Variants in RBM34 observed in about 807,000 individuals in gnomAD.
The protein encoded by RBM34 is RNA-binding protein 34.
Under a neutral mutation model 44.6 loss-of-function variants are expected in RBM34, and 39 were observed. The observed-to-expected ratio is 0.87, with a 90% CI of 0.68 to 1.14. RBM34 has a LOEUF of 1.14. Among genes scored for constraint, RBM34 ranks in the 50% most tolerant of loss-of-function variants. The pLI, the probability that RBM34 is intolerant of heterozygous loss-of-function variation, is 0.00. For missense variants in RBM34, 572 were observed against 517.9 expected, an observed-to-expected ratio of 1.10 and a Z score of -1.01; for synonymous variants, 194 against 184.0, an observed-to-expected ratio of 1.05 and a Z score of -0.44.
chr1:235,135,805 G>T lies in RBM34; in HGVS notation c.890-35C>A, dbSNP rs372176406. ...AATTCAATCAAAATGGAAGTAAAGA[G>T]TTGGGAGCCCCTCAGAAACATGGAG... On this transcript the variant is annotated intron_variant, in intron 9 of 10. Coordinates refer to ENST00000408888, the MANE Select transcript of RBM34 (RefSeq NM_015014.4). The T allele has an allele frequency of 3.5e-5, 54 of 1,553,002 alleles. No homozygotes were observed. In the Middle Eastern group the frequency reaches 5.0e-4, roughly 14 times the overall value.
At chr1:235,135,915 G>T in intron 9 of RBM34, 119 bp downstream of exon 9, 1 of 1,227,034 alleles carries the variant, frequency 8.1e-7, no homozygotes, top group Non-Finnish European at 1.2e-6. Context: ...TGCTGCCACG[G>T]CAAACACATT....
At chr1:235,156,438 T>C (rs1662446687) in intron 3 of RBM34, among the ~76,000 whole-genome samples, 1 of 152,178 alleles carries the variant, frequency 6.6e-6, no homozygotes, top group Admixed American at 6.5e-5. Context: ...CTGATTTCAT[T>C]TTCTACTCTA....
At chr1:235,155,598 G>C (rs186767919) in intron 3 of RBM34, among the ~76,000 whole-genome samples, 1 of 147,464 alleles carries the variant, frequency 6.8e-6, no homozygotes, top group Non-Finnish European at 1.5e-5. Flanking sequence ...TCTGCCTCTC[G>C]GGTTCAAGCG....
chr1:235,154,090 C>CA (rs1662289521), intron 4 of RBM34, among the ~76,000 whole-genome samples: 1 of 151,880 alleles, frequency 6.6e-6, no homozygotes, highest in Non-Finnish European at 1.5e-5. Context: ...ACTAAAAATA[C>CA]AAAAAATTAG....
Position 235,132,596 on chromosome 1 carries a change from C to A in RBM34, c.1009-599G>T, listed in dbSNP as rs1045210808. ...TGCTGGGATTACAGGCATGAGCCAC[C>A]GCGCCTGGCCCCCATATGCAATATT... On this transcript the variant is annotated intron_variant, in intron 10 of 10. Transcript: ENST00000408888. Among the ~76,000 whole-genome samples, 4 of 152,096 alleles carry A rather than the reference C, an allele frequency of 2.6e-5. No homozygotes were observed. In the East Asian group the frequency reaches 5.8e-4, roughly 22 times the overall value.
chr1:235,160,255 A>C (rs1379492911), intron 3 of RBM34: 9 of 598,864 alleles, frequency 1.5e-5, no homozygotes, highest in Non-Finnish European at 2.8e-5. Context: ...CCATCTCAAA[A>C]CAAACAAAAA....
rs77424852 is a variant in RBM34, at chr1:235,160,705, A to C, written c.229-58T>G. 3,142 of 1,568,682 alleles carry C rather than the reference A, an allele frequency of 2.0e-3. 93 individuals carry two copies. The East Asian group carries it at 0.061, about 30-fold the overall frequency. On this transcript the variant is annotated intron_variant, in intron 2 of 10. Transcript: ENST00000408888. ...CCATACTTCTAGAATTCTGACCCTA[A>C]GCCATAATTCAGTCTTTCTAAATGA...
At chr1:235,147,349 G>C (rs559122274) in intron 6 of RBM34, among the ~76,000 whole-genome samples, 1 of 152,338 alleles carries the variant, frequency 6.6e-6, no homozygotes, top group South Asian at 2.1e-4. Context: ...CTCCTCAGTA[G>C]TACTTGTACA....
chr1:235,154,853 T>C lies in RBM34; in HGVS notation c.597+28A>G, dbSNP rs1486906550. 5 of 1,556,200 alleles carry C rather than the reference T, an allele frequency of 3.2e-6. No homozygotes were observed. The African/African-American group carries it at 5.4e-5, about 17-fold the overall frequency. On this transcript the variant is annotated intron_variant, in intron 4 of 10. Transcript: ENST00000408888. ...CAGGAAGAACAAAGTTATTAACTTC[T>C]CTGAACTTTTACCATATACAAACTC... is the stretch of plus-strand genomic sequence containing the variant.
intron 9 of RBM34, 37 bp downstream of exon 9, chr1:235,135,997 T>TAATCAA (rs1466438753): frequency 7.3e-5 from 107 of 1,463,684 alleles, no homozygotes; most frequent in Admixed American, 1.4e-4. Flanking sequence ...GTTATTTATT[T>TAATCAA]AGTAATATTA....
intron 3 of RBM34, chr1:235,156,458 G>A (rs949048490): frequency 7.4e-6 from 2 of 271,406 alleles, no homozygotes; most frequent in Non-Finnish European, 1.5e-5. Flanking sequence ...AGACCTTTAG[G>A]GGCACTATCA....
At position 235,160,822 on chromosome 1, in the gene RBM34, G is replaced by A. The variant is rs1347624605; in HGVS notation, c.228+71C>T. On this transcript the variant is annotated intron_variant, in intron 2 of 10. Transcript: ENST00000408888. The stretch of plus-strand genomic sequence containing the variant: ...CCCTTTAGAAATCACGCTTCACGCG[G>A]TAGGTAAGAAGATTGCTTTGTATGT... The A allele has an allele frequency of 6.4e-6, 10 of 1,566,748 alleles. No homozygotes were observed. The East Asian group carries it at 2.0e-4, about 32-fold the overall frequency.
chr1:235,154,423 G>C (rs925998188), intron 4 of RBM34, among the ~76,000 whole-genome samples: 2 of 151,718 alleles, frequency 1.3e-5, no homozygotes, highest in African/African-American at 4.8e-5. Flanking sequence ...AATTAGCCAG[G>C]CACGGTGGCG....
At chr1:235,148,583 A>G in intron 5 of RBM34, 136 bp from the exon 6 acceptor site, 1 of 581,024 alleles carries the variant, frequency 1.7e-6, no homozygotes, top group Non-Finnish European at 2.6e-6. Flanking sequence ...CAAATCAGAA[A>G]CAACTGTCCT....
At chr1:235,155,848 T>TAC (rs1662405079) in intron 3 of RBM34, among the ~76,000 whole-genome samples, 3 of 28,942 alleles carry the variant, frequency 1.0e-4, no homozygotes, top group Non-Finnish European at 1.9e-4. Flanking sequence ...TATATATATA[T>TAC]ATATATATAT....
chr1:235,160,283 T>C (rs896018740), intron 3 of RBM34: 4 of 676,430 alleles, frequency 5.9e-6, no homozygotes, highest in South Asian at 1.5e-5. Flanking sequence ...TGAGGGGGTA[T>C]ATGAGTGGGG....
At chr1:235,148,261 C>T in intron 6 of RBM34, 143 bp downstream of exon 6, 1 of 509,056 alleles carries the variant, frequency 2.0e-6, no homozygotes, top group African/African-American at 2.0e-5. Flanking sequence ...TAAAGGCTCT[C>T]AAATACAGAA....
chr1:235,156,898 C>A (rs1444550966), intron 3 of RBM34, among the ~76,000 whole-genome samples: 1 of 152,156 alleles, frequency 6.6e-6, no homozygotes, highest in African/African-American at 2.4e-5. Context: ...CAAACATAAA[C>A]GAGAAAGGCT....
chr1:235,154,719 G>C (rs368376639), intron 4 of RBM34, among the ~76,000 whole-genome samples, 162 bp downstream of exon 4: 1 of 152,186 alleles, frequency 6.6e-6, no homozygotes, highest in East Asian at 1.9e-4. Context: ...GGGACTACAG[G>C]AATGAAAAGG....
Sources: allele counts gnomAD v4.1 joint callset (sites outside exome capture counted in the v4.1 genomes callset), GRCh38; gene constraint gnomAD v4.1.1; transcripts MANE v1.5; gene names NCBI Gene and HGNC (gene_info 2026-07-23, HGNC 2026-07-21).